The following WNT9B variants were observed in gnomAD, a reference collection of about 807,000 sequenced individuals.
The protein encoded by WNT9B is protein Wnt-9b.
Under a neutral mutation model 30.2 loss-of-function variants are expected in WNT9B, and 12 were observed. That is an observed-to-expected ratio of 0.40 (90% CI 0.26 to 0.64). WNT9B has a LOEUF of 0.64. Ranked by LOEUF, WNT9B falls within the 30% of genes least tolerant of loss-of-function variation. The pLI is 0.42. For missense variants in WNT9B, 442 were observed against 485.2 expected, an observed-to-expected ratio of 0.91 and a Z score of 0.84; for synonymous variants, 218 against 216.9, an observed-to-expected ratio of 1.01 and a Z score of -0.05.
chr17:46,862,766 T>C (rs2085063083), intron 1 of WNT9B, among the ~76,000 whole-genome samples: 1 of 152,156 alleles, frequency 6.6e-6, no homozygotes. Flanking sequence ...GTATCTTTAG[T>C]AGAGATGGGG....
At position 46,851,701 on chromosome 17, in the gene WNT9B, C is replaced by A; in HGVS notation, c.63C>A (p.Ala21=). ...GLCLLALPAA[A]ASYFGLTGRE... ...GCCTGCTGGCGCTGCCCGCCGCCGC[C>A]GCCTCCTACTTCGGGTCAGTGCCCG... The change falls in exon 1 of 4, where the codon GCC becomes GCA. Residue 21 remains alanine, a synonymous_variant. Transcript: ENST00000290015. The surrounding 1 kb of genome is among the most constrained non-coding windows in gnomAD (Gnocchi z 4.3). 7.6e-7 allele frequency: 1 copy of A among 1,310,848 alleles called. No homozygotes were observed. The allele number at this position is 1,310,848 out of a possible 1,614,324, so 81.2% of individuals were successfully genotyped here. A position where few individuals can be genotyped will look rare whatever the true frequency, so the allele number is the denominator to read the frequency against.
chr17:46,866,654 T>C (rs946490214), intron 1 of WNT9B, among the ~76,000 whole-genome samples: 3 of 152,000 alleles, frequency 2.0e-5, no homozygotes, highest in Non-Finnish European at 4.4e-5. Context: ...GCACAAGGCT[T>C]TCCCGGTTCC....
At chr17:46,862,885 C>T (rs1477359881) in intron 1 of WNT9B, among the ~76,000 whole-genome samples, 1 of 152,176 alleles carries the variant, frequency 6.6e-6, no homozygotes, top group Non-Finnish European at 1.5e-5. Context: ...TGTACCAGGC[C>T]TAAGCTGAGT....
upstream of WNT9B, among the ~76,000 whole-genome samples, chr17:46,849,865 T>TTTTTG (rs2084820022): frequency 6.6e-6 from 1 of 151,752 alleles, no homozygotes; most frequent in South Asian, 2.1e-4. Context: ...TTTTTTGTTT[T>TTTTTG]GAGATGGAGT....
intron 1 of WNT9B, among the ~76,000 whole-genome samples, chr17:46,865,246 T>C (rs1205154206): frequency 6.6e-6 from 1 of 152,236 alleles, no homozygotes; most frequent in Non-Finnish European, 1.5e-5. Flanking sequence ...ATGCAAAGCA[T>C]GCTTGCTGTG....
chr17:46,836,713 G>T (rs1174125890), intron 1 of WNT9B, among the ~76,000 whole-genome samples: 1 of 152,212 alleles, frequency 6.6e-6, no homozygotes, highest in Non-Finnish European at 1.5e-5. Context: ...GGCAAGCCAG[G>T]CTGGAGGTGA....
At chr17:46,868,264 A>T (rs918087512) in intron 1 of WNT9B, among the ~76,000 whole-genome samples, 4 of 152,208 alleles carry the variant, frequency 2.6e-5, no homozygotes, top group African/African-American at 9.6e-5. Context: ...ATCTGATAGC[A>T]TCTCATTGGC....
intron 2 of WNT9B, among the ~76,000 whole-genome samples, chr17:46,874,699 T>G (rs1269144593): frequency 6.6e-6 from 1 of 152,138 alleles, no homozygotes; most frequent in Non-Finnish European, 1.5e-5. Flanking sequence ...TGCCTCAGCC[T>G]CCTGAGTAGC....
rs1199134325 is a variant in WNT9B, at chr17:46,877,461, C to T, written c.*743C>T. On this transcript the variant is annotated 3_prime_UTR_variant, in exon 4 of 4. Transcript: ENST00000290015. ...CACACTCACCCAGCCGTGCTCAAAACTACCACCAGTGCAGGTAAGACAGGT... is the reference window on the plus strand; with the variant it reads ...CACACTCACCCAGCCGTGCTCAAAATTACCACCAGTGCAGGTAAGACAGGT... Among the ~76,000 whole-genome samples, 2 of 152,204 alleles carry T rather than the reference C, an allele frequency of 1.3e-5. No homozygotes were observed. Among genetic ancestry groups the T allele is most frequent in the African/African-American group, 4.8e-5 (2 of 41,442 alleles).
intron 1 of WNT9B, among the ~76,000 whole-genome samples, chr17:46,864,084 C>T (rs1324727268): frequency 6.6e-5 from 10 of 152,212 alleles, no homozygotes. Context: ...GAGGCCTGGC[C>T]CTTCCAGGGC....
chr17:46,858,024 G>A (rs2146559281), intron 1 of WNT9B, among the ~76,000 whole-genome samples: 1 of 152,252 alleles, frequency 6.6e-6, no homozygotes, highest in African/African-American at 2.4e-5. Flanking sequence ...CCACCTCCTG[G>A]ATTCAAGCAA....
At chr17:46,852,520 G>A (rs902694619) in intron 1 of WNT9B, among the ~76,000 whole-genome samples, 16 of 151,326 alleles carry the variant, frequency 1.1e-4, no homozygotes, top group Admixed American at 5.9e-4. Context: ...GGAGAGAGCC[G>A]GACAGGAACT....
intron 1 of WNT9B, among the ~76,000 whole-genome samples, chr17:46,866,148 C>T (rs2085130758): frequency 6.6e-6 from 1 of 152,034 alleles, no homozygotes; most frequent in Admixed American, 6.5e-5. Flanking sequence ...GGTGTGCTCA[C>T]AGTAGGGGAA....
At chr17:46,848,376 A>G (rs1394225478), upstream of WNT9B, among the ~76,000 whole-genome samples, 4 of 152,236 alleles carry the variant, frequency 2.6e-5, no homozygotes, top group African/African-American at 9.6e-5. Flanking sequence ...TTTCCTGAGT[A>G]CCTACTATGT....
chr17:46,857,679 A>G (rs2084962595), intron 1 of WNT9B, among the ~76,000 whole-genome samples: 1 of 152,044 alleles, frequency 6.6e-6, no homozygotes, highest in Admixed American at 6.6e-5. Context: ...GAGTGGTTTT[A>G]CCATTTTACA....
intron 1 of WNT9B, among the ~76,000 whole-genome samples, chr17:46,852,240 C>T (rs1393377699): frequency 3.9e-5 from 6 of 151,996 alleles, no homozygotes; most frequent in Non-Finnish European, 7.4e-5. Context: ...GAGGATCGTG[C>T]GCGTCCAGGG....
chr17:46,861,294 T>C (rs1445358250), intron 1 of WNT9B, among the ~76,000 whole-genome samples: 1 of 152,208 alleles, frequency 6.6e-6, no homozygotes, highest in East Asian at 1.9e-4. Flanking sequence ...TTTCCTTTAG[T>C]AGAGACCTCG....
intron 2 of WNT9B, among the ~76,000 whole-genome samples, chr17:46,873,612 A>G (rs1472319260): frequency 6.6e-6 from 1 of 152,124 alleles, no homozygotes; most frequent in Non-Finnish European, 1.5e-5. Flanking sequence ...TAATCCTAGC[A>G]CTTTGGGAGG....
upstream of WNT9B, among the ~76,000 whole-genome samples, chr17:46,849,847 A>T (rs1478112723): frequency 2.4e-5 from 3 of 123,200 alleles, no homozygotes; most frequent in South Asian, 3.3e-4. Flanking sequence ...GGCATTTAAT[A>T]TCTTTTTTTT....
Sources: allele counts gnomAD v4.1 joint callset (sites outside exome capture counted in the v4.1 genomes callset), GRCh38; gene constraint gnomAD v4.1.1; non-coding constraint Gnocchi (gnomAD v3.1); transcripts MANE v1.5; gene names NCBI Gene and HGNC (gene_info 2026-07-23, HGNC 2026-07-21).